GOLGA1: variants seen among roughly 807,000 people sequenced by gnomAD.
GOLGA1 encodes golgin subfamily A member 1.
In GOLGA1, 63 loss-of-function variants were observed where a neutral mutation model predicts 119.7. The ratio of observed to expected loss-of-function variants is 0.53; its 90% CI spans 0.43 to 0.65. GOLGA1 has a LOEUF of 0.65. Ranked by LOEUF, GOLGA1 falls within the 30% of genes least tolerant of loss-of-function variation. The pLI is 0.00. For missense variants in GOLGA1, 798 were observed against 912.8 expected (o/e 0.87, Z 1.62); for synonymous variants, 318 against 333.4 (o/e 0.95, Z 0.50).
chr9:124,945,552 TC>T (rs1831132993), upstream of GOLGA1: 1 of 147,634 alleles, frequency 6.8e-6, no homozygotes, highest in South Asian at 2.1e-4. Context: ...AAACTCCATC[TC>T]AAAAAAAAAA....
chr9:124,882,373 G>A (rs1829608349), intron 20 of GOLGA1, 137 bp downstream of exon 20: 2 of 665,986 alleles, frequency 3.0e-6, no homozygotes, highest in Admixed American at 2.3e-5. Flanking sequence ...AGCTAACGTT[G>A]GATTGCCCAG....
chr9:124,913,052 G>T (rs1009588103), intron 10 of GOLGA1, among the ~76,000 whole-genome samples: 1 of 152,176 alleles, frequency 6.6e-6, no homozygotes, highest in Non-Finnish European at 1.5e-5. Flanking sequence ...AAACTTACAA[G>T]CATGGCAGAA....
At position 124,897,706 on chromosome 9, in the gene GOLGA1, T is replaced by C. The variant is rs187402779; in HGVS notation, c.1407+843A>G. ...GCACTTACAGGACTCAAATGTTTAT[T>C]GAAGGAATGCATGAAAAAAAAATCT... On this transcript the variant is annotated intron_variant, in intron 15 of 22. Coordinates refer to ENST00000373555, the MANE Select transcript of GOLGA1 (RefSeq NM_002077.4). Among the ~76,000 whole-genome samples, 247 of 152,258 alleles carry C rather than the reference T, an allele frequency of 1.6e-3. 1 individual carries two copies. The highest frequency in any genetic ancestry group is 5.8e-3 in the African/African-American group (239 of 41,552).
At chr9:124,930,186 T>C (rs900110067) in intron 4 of GOLGA1, among the ~76,000 whole-genome samples, 8 of 152,182 alleles carry the variant, frequency 5.3e-5, no homozygotes, top group Non-Finnish European at 1.0e-4. Flanking sequence ...GTCCCTTCTC[T>C]AACGTAAGTC....
intron 12 of GOLGA1, among the ~76,000 whole-genome samples, chr9:124,900,904 G>A (rs1830089462): frequency 6.6e-6 from 1 of 151,592 alleles, no homozygotes; most frequent in Non-Finnish European, 1.5e-5. Flanking sequence ...TGCCTACTGT[G>A]CTGCCTACTT....
chr9:124,886,593 C>T (rs894104358), intron 19 of GOLGA1, among the ~76,000 whole-genome samples: 3 of 152,204 alleles, frequency 2.0e-5, no homozygotes, highest in South Asian at 2.1e-4. Context: ...TGAGCAGAGA[C>T]GCAGCAGCAG....
chr9:124,933,237 C>A (rs925585525), intron 3 of GOLGA1, among the ~76,000 whole-genome samples: 1 of 152,158 alleles, frequency 6.6e-6, no homozygotes, highest in Admixed American at 6.5e-5. Context: ...ACATTACAGG[C>A]CTCAGACTGT....
At position 124,888,316 on chromosome 9, in the gene GOLGA1, C is replaced by G; in HGVS notation, c.1842G>C (p.Met614Ile). 2 of 1,613,964 alleles carry G rather than the reference C, an allele frequency of 1.2e-6. No homozygotes were observed. The highest frequency in any genetic ancestry group is 1.7e-6 in the Non-Finnish European group (2 of 1,179,862). The change falls in exon 19 of 23, where the codon ATG becomes ATC. Residue 614 changes from methionine (M) to isoleucine (I), a missense_variant. Physicochemically the swap from Met to Ile is conservative, Grantham distance 10. Coordinates refer to ENST00000373555, the MANE Select transcript of GOLGA1 (RefSeq NM_002077.4). This position sits in a 1 kb window ranked among gnomAD's most constrained non-coding sequence, Gnocchi z 4.4. ...TCTCCTTCTGTAGCTGTGTGAGATC[C>G]ATGGCCCCAACCTCACCATTTGGTG... ...GRTPNGEVGA[M>I]DLTQLQKEKQ...
At chr9:124,916,076 T>G (rs1320567169) in intron 10 of GOLGA1, among the ~76,000 whole-genome samples, 1 of 150,934 alleles carries the variant, frequency 6.6e-6, no homozygotes, top group Admixed American at 6.6e-5. Context: ...CACTCCAGCC[T>G]GGGCAACAGA....
intron 11 of GOLGA1, among the ~76,000 whole-genome samples, chr9:124,911,273 C>G (rs1457777417): frequency 6.6e-6 from 1 of 152,080 alleles, no homozygotes; most frequent in Non-Finnish European, 1.5e-5. Flanking sequence ...ACCAGTGGCA[C>G]TGGAGATGGA....
At chr9:124,891,224 G>GACA (rs1829847984) in intron 15 of GOLGA1, among the ~76,000 whole-genome samples, 1 of 152,234 alleles carries the variant, frequency 6.6e-6, no homozygotes, top group Non-Finnish European at 1.5e-5. Flanking sequence ...TGTGGGAGGT[G>GACA]GGGTTGACAG....
At chr9:124,894,345 A>T (rs984231133) in intron 15 of GOLGA1, among the ~76,000 whole-genome samples, 2 of 151,146 alleles carry the variant, frequency 1.3e-5, no homozygotes, top group African/African-American at 4.9e-5. Flanking sequence ...TTTGCCTATG[A>T]GCTATGCTGA....
rs1189607702 is a variant in GOLGA1 at position 124,881,872 on chromosome 9, T to C, written c.2048A>G (p.Asn683Ser). Residue 683 changes from asparagine (N) to serine (S), a missense_variant, in exon 21 of 23, where the codon AAT (asparagine) becomes AGT (serine). Coordinates refer to ENST00000373555, the MANE Select transcript of GOLGA1 (RefSeq NM_002077.4). This position sits in a 1 kb window ranked among gnomAD's most constrained non-coding sequence, Gnocchi z 4.9. ...EMANMAPSVT[N>S]NTDLTDAREI... ...GCGGGCATCTGTCAGGTCAGTGTTA[T>C]TCGTGACGGAAGGCGCCATGTTTGC... 4.3e-6 allele frequency: 7 copies of C among 1,612,750 alleles called. No individual in the cohort carries two copies. Among genetic ancestry groups the C allele is most frequent in the Admixed American group, 3.3e-5 (2 of 59,946 alleles).
At chr9:124,895,383 C>CTCCACAACA (rs2131394474) in intron 15 of GOLGA1, among the ~76,000 whole-genome samples, 1 of 147,220 alleles carries the variant, frequency 6.8e-6, no homozygotes, top group Admixed American at 7.3e-5. Flanking sequence ...ACAGAGAACC[C>CTCCACAACA]TCCACAACAG....
intron 8 of GOLGA1, among the ~76,000 whole-genome samples, chr9:124,922,203 G>A (rs1830584570): frequency 6.6e-6 from 1 of 150,974 alleles, no homozygotes; most frequent in Non-Finnish European, 1.5e-5. Flanking sequence ...ACTCCAGCCT[G>A]GGTGACAGAG....
Position 124,880,169 on chromosome 9 carries a change from G to A in GOLGA1, c.*361C>T, listed in dbSNP as rs544668711. ...GGCCGTCTCTACCTCCAGTAGCAGC[G>A]CTACATGGTGACTCAGGTGTGCCTG... On this transcript the variant is annotated 3_prime_UTR_variant, in exon 23 of 23. Transcript: ENST00000373555. 3.1e-5 allele frequency: 6 copies of A among 192,024 alleles called. No homozygotes were observed. The highest frequency in any genetic ancestry group is 1.4e-4 in the East Asian group (1 of 7,292). 11.9% of individuals were successfully genotyped at this position (192,024 alleles called of 1,614,324 possible).
At position 124,885,322 on chromosome 9, in the gene GOLGA1, C is replaced by CAAA. The variant is rs34689664; in HGVS notation, c.1906-2756_1906-2754dup. On this transcript the variant is annotated intron_variant, in intron 19 of 22. Transcript: ENST00000373555. ...CAGCCTGGCGACAGAGACTCCATCT[C>CAAA]AAAAAAAAAAAAATTAGCCAGGCGT... 9.2e-3 allele frequency among the ~76,000 whole-genome samples: 1,307 copies of CAAA among 141,928 alleles called. 29 individuals are homozygous for CAAA. The highest frequency in any genetic ancestry group is 0.031 in the African/African-American group (1,189 of 38,346). 93.1% of individuals were successfully genotyped at this position (141,928 alleles called of 152,430 possible). A position where few individuals can be genotyped will look rare whatever the true frequency, so the allele number is the denominator to read the frequency against.
At position 124,946,826 on chromosome 9, in the gene GOLGA1, C is replaced by G. The variant is rs574098378; in HGVS notation, c.-156+1092G>C. Reference sequence around the variant, plus strand: ...GTGGTCTCATAGAGACACAGCAATACGAGTGAAGGCATTTTATTCAGTGGA... The same window carrying G: ...GTGGTCTCATAGAGACACAGCAATAGGAGTGAAGGCATTTTATTCAGTGGA... On this transcript the variant is annotated intron_variant, in intron 1 of 4. Coordinates refer to the GOLGA1 transcript ENST00000421514. The surrounding 1 kb of genome is among the most constrained non-coding windows in gnomAD (Gnocchi z 4.0). 4.6e-5 allele frequency: 7 copies of G among 152,112 alleles called. No homozygotes were observed. The highest frequency in any genetic ancestry group is 7.2e-5 in the African/African-American group (3 of 41,416). The allele number at this position is 152,112 out of a possible 1,614,324, so 9.4% of individuals were successfully genotyped here.
chr9:124,929,641 G>C (rs1250817706), intron 4 of GOLGA1, among the ~76,000 whole-genome samples: 1 of 152,022 alleles, frequency 6.6e-6, no homozygotes, highest in Non-Finnish European at 1.5e-5. Flanking sequence ...TCCTTTTCCG[G>C]TCTTAGCAGT....
Sources: gnomAD v4.1 joint callset for allele counts (sites outside exome capture counted in the v4.1 genomes callset) on GRCh38, gnomAD v4.1.1 for gene constraint, Gnocchi (gnomAD v3.1) non-coding constraint, MANE v1.5 for transcripts, NCBI Gene and HGNC (gene_info 2026-07-23, HGNC 2026-07-21) for gene names.